Variants in RBPJ observed in about 807,000 individuals in gnomAD.
RBPJ encodes recombination signal binding protein for immunoglobulin kappa J region.
In RBPJ, 9 loss-of-function variants were observed where a neutral mutation model predicts 67.8. That is an observed-to-expected ratio of 0.13 (90% confidence interval 0.08 to 0.23). The LOEUF (loss-of-function observed/expected upper bound fraction) is 0.23. RBPJ is among the 10% of genes least tolerant of loss of function. The probability of loss-of-function intolerance (pLI) is 1.00; values close to 1 mark genes in which losing one functional copy is unlikely to be tolerated. For synonymous variants in RBPJ, 198 were observed against 203.3 expected (o/e 0.97, Z 0.22); for missense variants, 305 against 595.6 (o/e 0.51, Z 5.08).
the RBPJ span, among the ~76,000 whole-genome samples, chr4:26,135,810 G>A: frequency 2.2e-3 from 330 of 152,296 alleles, no homozygotes; most frequent in Non-Finnish European, 2.9e-3. Context: ...CAAGCAATGG[G>A]AGCTGAAGAG....
intron 1 of RBPJ, among the ~76,000 whole-genome samples, chr4:26,286,863 T>C (rs1434009121): frequency 6.6e-6 from 1 of 151,412 alleles, no homozygotes; most frequent in Non-Finnish European, 1.5e-5. Flanking sequence ...CTCTGTTCAC[T>C]GCAGCCTCCG....
In RBPJ at chr4:26,424,328, T is replaced by G; in HGVS notation, c.497-14T>G. ...GCTCCAATCACATAAATAAGAGCTG[T>G]TTTTTCTTTGCAGTATGCATTGCCT... On this transcript the variant is annotated splice_polypyrimidine_tract_variant and intron_variant, in intron 5 of 10. Coordinates refer to ENST00000355476, the MANE Select transcript of RBPJ (RefSeq NM_015874.6). The surrounding 1 kb of genome is among the most constrained non-coding windows in gnomAD (Gnocchi z 5.3). 6.2e-7 allele frequency: 1 copy of G among 1,612,152 alleles called. No homozygotes were observed. Among genetic ancestry groups the G allele is most frequent in the Non-Finnish European group, 8.5e-7 (1 of 1,179,318 alleles).
chr4:26,286,403 A>T (rs116307869), intron 1 of RBPJ, among the ~76,000 whole-genome samples: 3,627 of 150,816 alleles, frequency 0.024, 86 homozygotes, highest in Middle Eastern at 0.092. Flanking sequence ...AGCCAAAGAA[A>T]TCAAGGCTCT....
rs190996779 is a variant in RBPJ at position 26,173,428 on chromosome 4, G to A, written c.-167+9814G>A. On this transcript the variant is annotated intron_variant, in intron 1 of 4. Coordinates refer to the RBPJ transcript ENST00000512351. ...TGGGATGACAGGCATGAGCCACTGC[G>A]CCCGGCTTGCAGTAGGTTTTGAGTA... 1.3e-3 allele frequency among the ~76,000 whole-genome samples: 202 copies of A among 152,274 alleles called. 1 individual carries two copies. Among genetic ancestry groups the A allele is most frequent in the Non-Finnish European group, 1.8e-3 (120 of 68,024 alleles).
chr4:26,415,786 C>A, intron 4 of RBPJ, 146 bp downstream of exon 4: 1 of 733,636 alleles, frequency 1.4e-6, no homozygotes, highest in Non-Finnish European at 2.2e-6. Flanking sequence ...AAAAAACATG[C>A]CTCTCATAGC....
At chr4:26,214,978 AGGAAGGAGGGAGGGAG>A (rs1560214234) in intron 1 of RBPJ, among the ~76,000 whole-genome samples, 4 of 23,926 alleles carry the variant, frequency 1.7e-4, no homozygotes, top group African/African-American at 5.4e-4. Flanking sequence ...GAGGGAGGGA[AGGAAGGAGGGAGGGAG>A]GGAGGGAAGG....
At chr4:26,380,553 G>C (rs1730212739) in intron 1 of RBPJ, among the ~76,000 whole-genome samples, 1 of 152,076 alleles carries the variant, frequency 6.6e-6, no homozygotes, top group South Asian at 2.1e-4. Context: ...TGTTATCATA[G>C]AATATAGTAA....
At chr4:26,300,530 T>A (rs926398030) in intron 1 of RBPJ, among the ~76,000 whole-genome samples, 1 of 152,230 alleles carries the variant, frequency 6.6e-6, no homozygotes, top group African/African-American at 2.4e-5. Flanking sequence ...AGGTGGAATG[T>A]ACTACTAAGC....
At chr4:26,397,958 G>A (rs963690490) in intron 2 of RBPJ, among the ~76,000 whole-genome samples, 2 of 152,058 alleles carry the variant, frequency 1.3e-5, no homozygotes, top group African/African-American at 4.8e-5. Context: ...AATGTAAAAG[G>A]CATGCTTAGC....
intron 1 of RBPJ, among the ~76,000 whole-genome samples, chr4:26,360,172 A>G (rs1411645785): frequency 6.6e-6 from 1 of 152,238 alleles, no homozygotes; most frequent in Non-Finnish European, 1.5e-5. Context: ...TAATCCACCA[A>G]ATAAGTTAAT....
intron 1 of RBPJ, among the ~76,000 whole-genome samples, chr4:26,271,901 G>A (rs577343194): frequency 6.7e-4 from 102 of 152,278 alleles, no homozygotes; most frequent in African/African-American, 2.0e-3. Flanking sequence ...ACAGAGACAC[G>A]TGCGTGCTTG....
chr4:26,133,357 T>C, the RBPJ span, among the ~76,000 whole-genome samples: 1 of 152,200 alleles, frequency 6.6e-6, no homozygotes, highest in Non-Finnish European at 1.5e-5. Context: ...ACAGATTGCT[T>C]GAGCTCAGGA....
chr4:26,328,212 T>C (rs1723854397), intron 1 of RBPJ, among the ~76,000 whole-genome samples: 1 of 152,004 alleles, frequency 6.6e-6, no homozygotes, highest in Non-Finnish European at 1.5e-5. Flanking sequence ...GCAGAAACAC[T>C]GGGGTCCTAA....
chr4:26,354,899 A>G (rs1727197788), intron 1 of RBPJ, among the ~76,000 whole-genome samples: 1 of 152,180 alleles, frequency 6.6e-6, no homozygotes, highest in South Asian at 2.1e-4. Context: ...AATACCATTA[A>G]AAATTGTTAT....
intron 1 of RBPJ, among the ~76,000 whole-genome samples, chr4:26,366,818 A>T (rs1056402691): frequency 1.3e-5 from 2 of 152,094 alleles, no homozygotes; most frequent in African/African-American, 4.8e-5. Flanking sequence ...TAAGAGACTC[A>T]TGCAGTTTAA....
At chr4:26,182,752 G>C (rs1254275274) in intron 1 of RBPJ, among the ~76,000 whole-genome samples, 1 of 151,922 alleles carries the variant, frequency 6.6e-6, no homozygotes, top group Admixed American at 6.6e-5. Context: ...TCCCACCTCA[G>C]CCTCCCAAAG....
intron 1 of RBPJ, among the ~76,000 whole-genome samples, chr4:26,328,236 G>C (rs1723858100): frequency 6.6e-6 from 1 of 151,928 alleles, no homozygotes; most frequent in Admixed American, 6.6e-5. Flanking sequence ...ATGTAGGAGG[G>C]GTGTTAAGGA....
intron 1 of RBPJ, among the ~76,000 whole-genome samples, chr4:26,221,887 C>A (rs959614314): frequency 2.0e-5 from 3 of 152,160 alleles, no homozygotes; most frequent in African/African-American, 7.2e-5. Flanking sequence ...TGTCCCCACT[C>A]CCAATGTGCG....
chr4:26,191,390 G>C (rs1717541866), intron 1 of RBPJ, among the ~76,000 whole-genome samples: 1 of 151,212 alleles, frequency 6.6e-6, no homozygotes, highest in Admixed American at 6.6e-5. Context: ...GGGTTTTCTT[G>C]TGTCCTTTTT....
Sources: allele counts gnomAD v4.1 joint callset (sites outside exome capture counted in the v4.1 genomes callset), GRCh38; gene constraint gnomAD v4.1.1; non-coding constraint Gnocchi (gnomAD v3.1); transcripts MANE v1.5; gene names NCBI Gene and HGNC (gene_info 2026-07-23, HGNC 2026-07-21).